Variants in MBOAT1 observed in about 807,000 individuals in gnomAD.
The protein encoded by MBOAT1 is membrane-bound glycerophospholipid O-acyltransferase 1.
A neutral mutation model predicts 64.4 loss-of-function variants in MBOAT1; 67 were observed. The ratio of observed to expected loss-of-function variants is 1.04; its 90% CI spans 0.85 to 1.27. The LOEUF (loss-of-function observed/expected upper bound fraction) is 1.27, where lower values mean the gene tolerates loss of function less well. Among genes scored for constraint, MBOAT1 ranks in the 50% most tolerant of loss-of-function variants. The pLI is 0.00. For synonymous variants in MBOAT1, 229 were observed against 218.9 expected, an observed-to-expected ratio of 1.05 and a Z score of -0.41; for missense variants, 563 against 604.6, an observed-to-expected ratio of 0.93 and a Z score of 0.72.
intron 11 of MBOAT1, among the ~76,000 whole-genome samples, chr6:20,111,885 T>TATACATATATATATACATATATATAC (rs1166548543): frequency 2.1e-4 from 30 of 140,982 alleles, no homozygotes; most frequent in Middle Eastern, 3.6e-3. Flanking sequence ...TATATGTATA[T>TATACATATATATATACATATATATAC]ATATATATTC....
chr6:20,126,813 C>T lies in MBOAT1; in HGVS notation c.531-113G>A, dbSNP rs929193122. 3.8e-6 allele frequency: 3 copies of T among 787,106 alleles called. No individual in the cohort carries two copies. The African/African-American group carries it at 5.4e-5, about 14-fold the overall frequency. The allele number at this position is 787,106 out of a possible 1,614,324, so 48.8% of individuals were successfully genotyped here. A position where few individuals can be genotyped will look rare whatever the true frequency, so the allele number is the denominator to read the frequency against. ...CTGTAGATTCGATACATGACATGAC[C>T]TTTCCTTGTTTTGTTTCTACAAAGT... is the stretch of plus-strand genomic sequence containing the variant. On this transcript the variant is annotated intron_variant, in intron 6 of 12. Transcript: ENST00000324607.
chr6:20,124,717 CAGA>C (rs993950199), intron 7 of MBOAT1, 117 bp from the exon 8 acceptor site: 10 of 857,038 alleles, frequency 1.2e-5, no homozygotes, highest in African/African-American at 1.0e-4. Flanking sequence ...CATTATTCCC[CAGA>C]AGGAGTGACA....
chr6:20,139,030 A>G (rs1581416334), intron 4 of MBOAT1, among the ~76,000 whole-genome samples: 2 of 152,212 alleles, frequency 1.3e-5, no homozygotes, highest in Admixed American at 1.3e-4. Flanking sequence ...CATGTGTGTG[A>G]GTCTGTCCCT....
At chr6:20,168,502 A>AGAGAAGAGAG (rs1554120175) in intron 1 of MBOAT1, among the ~76,000 whole-genome samples, 1,005 of 92,894 alleles carry the variant, frequency 0.011, 35 homozygotes, top group African/African-American at 0.054. Context: ...AGAGAGAGAG[A>AGAGAAGAGAG]GAGAGGAGAG....
intron 4 of MBOAT1, among the ~76,000 whole-genome samples, chr6:20,135,631 T>C (rs1280491147): frequency 6.6e-6 from 1 of 152,204 alleles, no homozygotes; most frequent in Admixed American, 6.5e-5. Context: ...CGGTTATTGG[T>C]GTCGGAAGAG....
At chr6:20,124,692 C>G (rs1760601533) in intron 7 of MBOAT1, 92 bp from the exon 8 acceptor site, 3 of 1,143,470 alleles carry the variant, frequency 2.6e-6, no homozygotes, top group South Asian at 3.0e-5. Flanking sequence ...CAACGTTGCT[C>G]CAACAGCTGC....
At chr6:20,108,773 C>A (rs936061116) in intron 12 of MBOAT1, among the ~76,000 whole-genome samples, 2 of 152,200 alleles carry the variant, frequency 1.3e-5, no homozygotes, top group Non-Finnish European at 1.5e-5. Flanking sequence ...CTGGCCAGAG[C>A]CCTCTGCACA....
Position 20,120,952 on chromosome 6 carries a change from T to C in MBOAT1, c.908-2412A>G, listed in dbSNP as rs1340343192. Among the ~76,000 whole-genome samples, 5 of 152,336 alleles carry C rather than the reference T, an allele frequency of 3.3e-5. No homozygotes were observed. In the East Asian group the frequency reaches 9.7e-4, roughly 29 times the overall value. ...TTACTTGTACTATGCATGGTTCCAA[T>C]CTATTATTACAGATAAATTAATTTG... On this transcript the variant is annotated intron_variant, in intron 8 of 12. Transcript: ENST00000324607.
chr6:20,193,321 G>A (rs1257935734), intron 1 of MBOAT1, among the ~76,000 whole-genome samples: 2 of 151,896 alleles, frequency 1.3e-5, no homozygotes, highest in East Asian at 3.9e-4. Flanking sequence ...TTTCTTATAA[G>A]CAGATTTTTG....
intron 7 of MBOAT1, among the ~76,000 whole-genome samples, chr6:20,125,223 C>T (rs1383850536): frequency 1.3e-5 from 2 of 152,064 alleles, no homozygotes; most frequent in Admixed American, 6.6e-5. Flanking sequence ...AAGGAATGTC[C>T]TTCAACATTC....
At chr6:20,134,379 G>GAAA (rs1008728493) in intron 4 of MBOAT1, among the ~76,000 whole-genome samples, 1 of 142,400 alleles carries the variant, frequency 7.0e-6, no homozygotes, top group African/African-American at 2.6e-5. Flanking sequence ...CCTTTTTATA[G>GAAA]AAAAAAAAAA....
intron 4 of MBOAT1, among the ~76,000 whole-genome samples, chr6:20,143,605 A>C (rs1761243937): frequency 6.6e-6 from 1 of 152,200 alleles, no homozygotes; most frequent in African/African-American, 2.4e-5. Context: ...GCCTCTCAGA[A>C]GGTGGAGGAT....
At chr6:20,177,473 T>C (rs529785557) in intron 1 of MBOAT1, among the ~76,000 whole-genome samples, 1 of 152,234 alleles carries the variant, frequency 6.6e-6, no homozygotes, top group Admixed American at 6.5e-5. Context: ...GGGTTACAGG[T>C]GTGGGCCACT....
In MBOAT1 at chr6:20,100,050, G is replaced by A. The variant is rs992768704; in HGVS notation, c.*2236C>T. Among the ~76,000 whole-genome samples the A allele has an allele frequency of 3.9e-5, 6 of 152,120 alleles. No individual in the cohort carries two copies. Among genetic ancestry groups the A allele is most frequent in the African/African-American group, 1.4e-4 (6 of 41,438 alleles). On this transcript the variant is annotated 3_prime_UTR_variant, in exon 13 of 13. Transcript: ENST00000324607. ...TCCCATAAGGAGTAATCAATTCTGG[G>A]CAGTCACTAGTGGGACCAATGGCCC...
chr6:20,152,893 C>G, intron 1 of MBOAT1, 124 bp from the exon 2 acceptor site: 1 of 1,046,238 alleles, frequency 9.6e-7, no homozygotes, highest in South Asian at 1.8e-5. Context: ...AGTGCAGTGG[C>G]GCAAACTCGG....
At chr6:20,107,040 T>C (rs1759979199) in intron 12 of MBOAT1, among the ~76,000 whole-genome samples, 1 of 152,178 alleles carries the variant, frequency 6.6e-6, no homozygotes, top group Non-Finnish European at 1.5e-5. Context: ...AAGCAGTAGT[T>C]TGCATCCAAA....
At chr6:20,182,394 G>C (rs1762536155) in intron 1 of MBOAT1, among the ~76,000 whole-genome samples, 1 of 152,116 alleles carries the variant, frequency 6.6e-6, no homozygotes, top group African/African-American at 2.4e-5. Flanking sequence ...TTAGGAATTA[G>C]GTTTCAACAT....
chr6:20,152,520 C>T, intron 2 of MBOAT1, 104 bp downstream of exon 2: 4 of 1,190,016 alleles, frequency 3.4e-6, no homozygotes, highest in Non-Finnish European at 4.6e-6. Context: ...TTTTACAATA[C>T]ATATTTTATA....
intron 12 of MBOAT1, among the ~76,000 whole-genome samples, chr6:20,105,369 T>A (rs1043753300): frequency 3.9e-5 from 6 of 152,266 alleles, no homozygotes; most frequent in Non-Finnish European, 5.9e-5. Flanking sequence ...CTAACATTTA[T>A]TGATCATGTC....
Sources: gnomAD v4.1 joint callset for allele counts (sites outside exome capture counted in the v4.1 genomes callset) on GRCh38, gnomAD v4.1.1 for gene constraint, MANE v1.5 for transcripts, NCBI Gene and HGNC (gene_info 2026-07-23, HGNC 2026-07-21) for gene names.